PCDHGA2: variants seen among roughly 807,000 people sequenced by gnomAD.
The protein encoded by PCDHGA2 is protocadherin gamma-A2.
In PCDHGA2, 40 loss-of-function variants were observed where a neutral mutation model predicts 59.2. The observed-to-expected ratio is 0.68, with a 90% CI of 0.52 to 0.88. The LOEUF is 0.88. PCDHGA2 is among the 40% of genes least tolerant of loss of function. The pLI is 0.00. For missense variants in PCDHGA2, 1,226 were observed against 1,204.0 expected (o/e 1.02, Z -0.27); for synonymous variants, 560 against 526.0 (o/e 1.06, Z -0.89).
chr5:141,376,165 G>T (rs181247360), intron 1 of PCDHGA2: 1 of 1,614,018 alleles, frequency 6.2e-7, no homozygotes, highest in African/African-American at 1.3e-5. Context: ...TGTACCTGGT[G>T]GTGGCGGTGG....
intron 1 of PCDHGA2, chr5:141,388,895 T>C (rs2150370716): frequency 6.2e-7 from 1 of 1,613,946 alleles, no homozygotes; most frequent in Non-Finnish European, 8.5e-7. Flanking sequence ...AAGTCATAGA[T>C]GAAAATGACA....
chr5:141,394,968 T>A, intron 1 of PCDHGA2: 1 of 1,613,938 alleles, frequency 6.2e-7, no homozygotes, highest in Non-Finnish European at 8.5e-7. Flanking sequence ...GCTGAGGCGC[T>A]GGCACAAGTC....
intron 1 of PCDHGA2, chr5:141,392,870 G>A (rs757363357): frequency 6.2e-7 from 1 of 1,613,226 alleles, no homozygotes; most frequent in East Asian, 2.2e-5. Flanking sequence ...TGTGCGCGCT[G>A]CTGGGAACGC....
chr5:141,348,820 C>T (rs1030832002), intron 1 of PCDHGA2, among the ~76,000 whole-genome samples: 12 of 152,088 alleles, frequency 7.9e-5, no homozygotes, highest in East Asian at 1.9e-4. Flanking sequence ...TAGGCTGTTT[C>T]GAATAGAGTA....
chr5:141,379,963 G>A (rs1181673658), intron 1 of PCDHGA2, among the ~76,000 whole-genome samples: 1 of 124,340 alleles, frequency 8.0e-6, no homozygotes, highest in African/African-American at 3.0e-5. Context: ...GCAGTGGTGT[G>A]ATCTCTGCTC....
chr5:141,350,906 G>T, intron 1 of PCDHGA2: 1 of 1,613,976 alleles, frequency 6.2e-7, no homozygotes, highest in Admixed American at 1.7e-5. Flanking sequence ...GGATGGCGGG[G>T]ACCCGCCTCT....
Position 141,431,349 on chromosome 5 carries a change from A to G in PCDHGA2, c.2425-63458A>G. 1.2e-6 allele frequency: 2 copies of G among 1,614,026 alleles called. No individual in the cohort carries two copies. The highest frequency in any genetic ancestry group is 4.5e-5 in the East Asian group (2 of 44,874). On this transcript the variant is annotated intron_variant, in intron 1 of 3. Coordinates refer to ENST00000394576, the MANE Select transcript of PCDHGA2 (RefSeq NM_018915.4). This position sits in a 1 kb window ranked among gnomAD's most constrained non-coding sequence, Gnocchi z 4.8. ...AGTAAGTACCCCGAATTGGTGCTGAAACGCGCCCTGGACCGCGAAGAAAAG... is the reference window on the plus strand; with the variant it reads ...AGTAAGTACCCCGAATTGGTGCTGAGACGCGCCCTGGACCGCGAAGAAAAG...
chr5:141,399,682 G>C, intron 1 of PCDHGA2: 2 of 1,613,512 alleles, frequency 1.2e-6, no homozygotes, highest in Non-Finnish European at 1.7e-6. Context: ...CTTTGACTAC[G>C]AGCAGCTGCG....
chr5:141,478,847 AAC>A (rs2099480409), intron 1 of PCDHGA2: 1 of 1,389,782 alleles, frequency 7.2e-7, no homozygotes, highest in South Asian at 1.5e-5. Context: ...GTTAAGCTAA[AAC>A]ACAAGATCTC....
At chr5:141,386,997 C>T (rs1001565782) in intron 1 of PCDHGA2, among the ~76,000 whole-genome samples, 2 of 152,070 alleles carry the variant, frequency 1.3e-5, no homozygotes, top group African/African-American at 4.8e-5. Context: ...ATGTATTATC[C>T]CCCTGATAAC....
chr5:141,364,219 G>A lies in PCDHGA2; in HGVS notation c.2424+22824G>A, dbSNP rs1277207859. 4.5e-6 allele frequency: 6 copies of A among 1,322,924 alleles called. No individual in the cohort carries two copies. In the Admixed American group the frequency reaches 1.8e-4, roughly 41 times the overall value. 81.9% of individuals were successfully genotyped at this position (1,322,924 alleles called of 1,614,324 possible). On this transcript the variant is annotated intron_variant, in intron 1 of 3. Coordinates refer to ENST00000394576, the MANE Select transcript of PCDHGA2 (RefSeq NM_018915.4). The stretch of plus-strand genomic sequence containing the variant: ...CAGACCAGACAAGCTCCTACGAAAA[G>A]CCAACGCTCCACGCCCATTTTCGTC...
chr5:141,413,793 C>G, intron 1 of PCDHGA2: 1 of 1,613,106 alleles, frequency 6.2e-7, no homozygotes, highest in South Asian at 1.1e-5. Context: ...CCCTAGATCG[C>G]GAGGAAGAGG....
At position 141,371,344 on chromosome 5, in the gene PCDHGA2, T is replaced by C. The variant is rs752180321; in HGVS notation, c.2424+29949T>C. The C allele has an allele frequency of 9.1e-5, 147 of 1,613,880 alleles. 4 individuals are homozygous for C. In the South Asian group the frequency reaches 1.4e-3, roughly 16 times the overall value. ...TTTGAAGAGAGAGATAGCTACACAATTGGGGTGGAAGCAAAGGATGGTGGA... is the reference window on the plus strand; with the variant it reads ...TTTGAAGAGAGAGATAGCTACACAACTGGGGTGGAAGCAAAGGATGGTGGA... On this transcript the variant is annotated intron_variant, in intron 1 of 3. Coordinates refer to ENST00000394576, the MANE Select transcript of PCDHGA2 (RefSeq NM_018915.4).
At chr5:141,381,556 T>G (rs1777268817) in intron 1 of PCDHGA2, among the ~76,000 whole-genome samples, 1 of 152,200 alleles carries the variant, frequency 6.6e-6, no homozygotes, top group Admixed American at 6.5e-5. Context: ...TGAATTGAAT[T>G]GCATAATGAA....
chr5:141,360,478 A>C, intron 1 of PCDHGA2: 1 of 1,613,910 alleles, frequency 6.2e-7, no homozygotes, highest in Non-Finnish European at 8.5e-7. Context: ...AAATCCACTA[A>C]ATATTTTCTA....
intron 1 of PCDHGA2, among the ~76,000 whole-genome samples, chr5:141,353,443 A>G (rs141154137): frequency 9.2e-5 from 14 of 152,304 alleles, no homozygotes; most frequent in African/African-American, 2.9e-4. Flanking sequence ...TTGCAGCAAC[A>G]TGTATGTTTA....
chr5:141,421,860 C>T (rs759779291), intron 1 of PCDHGA2: 1 of 1,613,750 alleles, frequency 6.2e-7, no homozygotes. Flanking sequence ...CTCACCTGCT[C>T]CTCCTCACAG....
intron 1 of PCDHGA2, chr5:141,442,421 T>G (rs1288481455): frequency 1.3e-5 from 2 of 152,290 alleles, no homozygotes; most frequent in East Asian, 3.9e-4. Flanking sequence ...TGAACTTCTT[T>G]TTTGAATCCC....
At position 141,430,919 on chromosome 5, in the gene PCDHGA2, C is replaced by A. The variant is rs377613499; in HGVS notation, c.2425-63888C>A. The A allele has an allele frequency of 6.2e-7, 1 of 1,607,492 alleles. No homozygotes were observed. Among genetic ancestry groups the A allele is most frequent in the Admixed American group, 1.7e-5 (1 of 58,806 alleles). The stretch of plus-strand genomic sequence containing the variant: ...GGGCGACATCTCCAGGGACCTGGGG[C>A]TGGAGCCCCGGGAGCTCGCGGAGCG... On this transcript the variant is annotated intron_variant, in intron 1 of 3. Transcript: ENST00000394576.
Sources: gnomAD v4.1 joint callset for allele counts (sites outside exome capture counted in the v4.1 genomes callset) on GRCh38, gnomAD v4.1.1 for gene constraint, Gnocchi (gnomAD v3.1) non-coding constraint, MANE v1.5 for transcripts, NCBI Gene and HGNC (gene_info 2026-07-23, HGNC 2026-07-21) for gene names.